PCDHA4: variants seen among roughly 807,000 people sequenced by gnomAD.
PCDHA4 encodes protocadherin alpha-4.
A neutral mutation model predicts 61.4 loss-of-function variants in PCDHA4; 49 were observed. That is an observed-to-expected ratio of 0.80 (90% CI 0.63 to 1.01). The LOEUF is 1.01. Among genes scored for constraint, PCDHA4 ranks in the 50% least tolerant of loss-of-function variants. PCDHA4 has a pLI of 0.00. For synonymous variants in PCDHA4, 590 were observed against 550.3 expected (o/e 1.07, Z -1.01); for missense variants, 1,254 against 1,235.8 (o/e 1.01, Z -0.22).
At chr5:140,969,120 G>T (rs1333559202) in intron 1 of PCDHA4, 1 of 1,613,970 alleles carries the variant, frequency 6.2e-7, no homozygotes, top group Non-Finnish European at 8.5e-7. Flanking sequence ...CGAGGGAATG[G>T]CTCCCTCACC....
chr5:140,955,676 C>T (rs374545278), intron 1 of PCDHA4, among the ~76,000 whole-genome samples: 40 of 152,096 alleles, frequency 2.6e-4, no homozygotes, highest in African/African-American at 8.7e-4. Context: ...ATAGTTTTTT[C>T]GAAATCTGTG....
chr5:140,877,480 G>A (rs782077464), intron 1 of PCDHA4: 3 of 1,613,888 alleles, frequency 1.9e-6, no homozygotes, highest in Non-Finnish European at 8.5e-7. Context: ...GGTGTCGCTG[G>A]TGGAGAACGG....
At chr5:140,892,819 A>G (rs551280418) in intron 1 of PCDHA4, among the ~76,000 whole-genome samples, 2 of 152,304 alleles carry the variant, frequency 1.3e-5, no homozygotes, top group South Asian at 4.1e-4. Context: ...TTTATCCTAC[A>G]GTGCTACAGT....
At chr5:140,950,237 ATTTG>A (rs782102459) in intron 1 of PCDHA4, among the ~76,000 whole-genome samples, 1 of 151,954 alleles carries the variant, frequency 6.6e-6, no homozygotes, top group Non-Finnish European at 1.5e-5. Flanking sequence ...AGTGCCATTA[ATTTG>A]TTCCTAAAGA....
rs140986120 is a variant in PCDHA4 at position 140,846,525 on chromosome 5, C to A, written c.2385+36953C>A. On this transcript the variant is annotated intron_variant, in intron 1 of 3. Coordinates refer to ENST00000530339, the MANE Select transcript of PCDHA4 (RefSeq NM_018907.4). ...AAGTAGCTGGGATTACAGGTGCATG[C>A]CACCATGCCCTGCTAATTTTTTGTA... 3.4e-5 allele frequency among the ~76,000 whole-genome samples: 5 copies of A among 148,378 alleles called. 1 individual carries two copies. The highest frequency in any genetic ancestry group is 1.2e-4 in the African/African-American group (5 of 40,594).
At chr5:140,939,285 T>A (rs2092357056) in intron 1 of PCDHA4, among the ~76,000 whole-genome samples, 1 of 152,108 alleles carries the variant, frequency 6.6e-6, no homozygotes, top group Admixed American at 6.5e-5. Flanking sequence ...GCCCTCGTGA[T>A]CTAATCATCT....
rs2150339268 is a variant in PCDHA4, at chr5:140,842,564, C to T, written c.2385+32992C>T. ...GTTGGTGCTGGACAGCGCCCTGGACCGCGAGAGAGTGTCGGCCTATGAGTT... is the reference window on the plus strand; with the variant it reads ...GTTGGTGCTGGACAGCGCCCTGGACTGCGAGAGAGTGTCGGCCTATGAGTT... On this transcript the variant is annotated intron_variant, in intron 1 of 3. Transcript: ENST00000530339. 4 of 1,500,320 alleles carry T rather than the reference C, an allele frequency of 2.7e-6. 1 individual carries two copies. The highest frequency in any genetic ancestry group is 1.9e-5 in the Admixed American group (1 of 52,900). The allele number at this position is 1,500,320 out of a possible 1,614,324, so 92.9% of individuals were successfully genotyped here.
chr5:140,968,506 G>T (rs781902536), intron 1 of PCDHA4: 2 of 1,614,176 alleles, frequency 1.2e-6, no homozygotes, highest in South Asian at 2.2e-5. Context: ...CTCACATTCT[G>T]TACCCTACCT....
chr5:140,921,102 T>G (rs1300756897), intron 1 of PCDHA4, among the ~76,000 whole-genome samples: 1 of 152,028 alleles, frequency 6.6e-6, no homozygotes, highest in Non-Finnish European at 1.5e-5. Context: ...TGCCTCAGTC[T>G]CCTAAGTAGC....
intron 1 of PCDHA4, chr5:140,853,603 G>T (rs1358386755): frequency 1.0e-6 from 1 of 987,254 alleles, no homozygotes; most frequent in Non-Finnish European, 1.2e-6. Context: ...GAGAGCAAAG[G>T]GGGTGCTGTA....
chr5:140,952,852 G>A (rs887887464), intron 1 of PCDHA4, among the ~76,000 whole-genome samples: 2 of 152,068 alleles, frequency 1.3e-5, no homozygotes, highest in Non-Finnish European at 2.9e-5. Context: ...TTGTCTTCTG[G>A]GGAGGCCTCA....
intron 1 of PCDHA4, chr5:140,857,200 C>A: frequency 1.3e-6 from 2 of 1,598,618 alleles, no homozygotes; most frequent in East Asian, 2.2e-5. Flanking sequence ...ACGGACAGGT[C>A]ACCTGCTCTC....
intron 3 of PCDHA4, among the ~76,000 whole-genome samples, chr5:141,000,387 CTCTCTCTCTATATA>C (rs1446529556): frequency 4.5e-4 from 30 of 66,870 alleles, no homozygotes; most frequent in African/African-American, 1.4e-3. Flanking sequence ...CTCTCTCTCT[CTCTCTCTCTATATA>C]TATATATATA....
intron 1 of PCDHA4, chr5:140,824,043 G>A (rs1767979919): frequency 6.2e-7 from 1 of 1,614,042 alleles, no homozygotes; most frequent in Non-Finnish European, 8.5e-7. Context: ...GGAGACAGAG[G>A]GTGTGCTCTG....
intron 1 of PCDHA4, chr5:140,822,643 T>A: frequency 6.2e-7 from 1 of 1,610,486 alleles, no homozygotes; most frequent in Non-Finnish European, 8.5e-7. Flanking sequence ...CGATGTAAAG[T>A]CCAAATTTAT....
At chr5:140,823,777 C>G in intron 1 of PCDHA4, 1 of 1,613,860 alleles carries the variant, frequency 6.2e-7, no homozygotes, top group African/African-American at 1.3e-5. Context: ...GCTGGTGTCG[C>G]TGGTGGAAAG....
At chr5:140,841,880 G>C (rs1777553890) in intron 1 of PCDHA4, 18 of 1,613,708 alleles carry the variant, frequency 1.1e-5, no homozygotes, top group Non-Finnish European at 1.4e-5. Flanking sequence ...TTCAAAGAAC[G>C]ATGAGAATAA....
rs1764128593 is a variant in PCDHA4, at chr5:140,808,228, C to T, written c.1041C>T (p.Val347=). 2 of 1,614,106 alleles carry T rather than the reference C, an allele frequency of 1.2e-6. No homozygotes were observed. The highest frequency in any genetic ancestry group is 2.7e-5 in the African/African-American group (2 of 74,950). Residue 347 remains valine, a synonymous_variant, in exon 1 of 4, where the codon GTC becomes GTT. Transcript: ENST00000530339. ...AAGTAGAAGACAACAACGATAATGT[C>T]CCAGATTTGGAATTCAAGTCTTTAT... ...IVEVEDNNDN[V]PDLEFKSLSL...
intron 1 of PCDHA4, chr5:140,926,544 C>G (rs9765406): frequency 0.16 from 35,740 of 221,378 alleles, 3,305 homozygotes; most frequent in African/African-American, 0.26. Context: ...GCGTGGTGGT[C>G]GAGACCCCAG....
Sources: gnomAD v4.1 joint callset for allele counts (sites outside exome capture counted in the v4.1 genomes callset) on GRCh38, gnomAD v4.1.1 for gene constraint, MANE v1.5 for transcripts, NCBI Gene and HGNC (gene_info 2026-07-23, HGNC 2026-07-21) for gene names.